The following HUS1 variants were observed in gnomAD, a reference collection of about 807,000 sequenced individuals.
The protein encoded by HUS1 is checkpoint protein HUS1.
HUS1 carries 31 observed loss-of-function variants against 32.6 expected under a neutral mutation model. The ratio of observed to expected loss-of-function variants is 0.95; its 90% CI spans 0.72 to 1.28. The LOEUF (loss-of-function observed/expected upper bound fraction) is 1.28. Among genes scored for constraint, HUS1 ranks in the 50% most tolerant of loss-of-function variants. The probability of loss-of-function intolerance (pLI) is 0.00; values close to 1 mark genes in which losing one functional copy is unlikely to be tolerated. For synonymous variants in HUS1, 123 were observed against 116.6 expected, an observed-to-expected ratio of 1.06 and a Z score of -0.36; for missense variants, 340 against 337.7, an observed-to-expected ratio of 1.01 and a Z score of -0.05.
intron 5 of HUS1, among the ~76,000 whole-genome samples, chr7:47,970,126 G>A (rs925323779): frequency 4.6e-5 from 7 of 151,334 alleles, no homozygotes; most frequent in East Asian, 1.9e-4. Flanking sequence ...CCAGCTACTC[G>A]GGAGGCTGAG....
intron 7 of HUS1, among the ~76,000 whole-genome samples, chr7:47,965,953 T>A (rs1014796871): frequency 1.3e-5 from 2 of 150,546 alleles, no homozygotes; most frequent in East Asian, 4.0e-4. Context: ...AAAGAGCACA[T>A]GAGGGTGGGC....
At chr7:47,968,800 G>GCATC (rs1316123906) in intron 6 of HUS1, 4 of 159,858 alleles carry the variant, frequency 2.5e-5, no homozygotes, top group Non-Finnish European at 4.1e-5. Flanking sequence ...AAACAGTTTT[G>GCATC]CATCTGCTAC....
In HUS1 at chr7:47,964,198, G is replaced by C. The variant is rs1264558845; in HGVS notation, c.*1158C>G. The C allele has an allele frequency of 1.3e-5, 2 of 152,220 alleles. No homozygotes were observed. Among genetic ancestry groups the C allele is most frequent in the Admixed American group, 6.5e-5 (1 of 15,288 alleles). 9.4% of individuals were successfully genotyped at this position (152,220 alleles called of 1,614,324 possible). ...GTTCAAGACCAGCCTGGACAACACA[G>C]TGAGACCCTGTCTCTATGAAAAATT... is the stretch of plus-strand genomic sequence containing the variant. On this transcript the variant is annotated 3_prime_UTR_variant, in exon 8 of 8. Transcript: ENST00000258774.
chr7:47,978,580 T>C lies in HUS1; in HGVS notation c.194A>G (p.Asn65Ser). The C allele has an allele frequency of 2.5e-6, 4 of 1,614,096 alleles. No homozygotes were observed. Among genetic ancestry groups the C allele is most frequent in the Non-Finnish European group, 3.4e-6 (4 of 1,179,922 alleles). ...AGAGACACCCTCCATTTGAAATTCG[T>C]TGAAGAAGTTCTCCTAAGGGAAAAA... ...WCELEQENFF[N>S]EFQMEGVSAE... Residue 65 changes from asparagine to serine, a missense_variant, in exon 3 of 8, where the codon AAC (asparagine) becomes AGC (serine). Transcript: ENST00000258774.
rs761951127 is a variant in HUS1 at position 47,976,834 on chromosome 7, A to G, written c.361T>C (p.Ser121Pro). The G allele has an allele frequency of 1.4e-5, 23 of 1,588,802 alleles. No homozygotes were observed. The highest frequency in any genetic ancestry group is 4.5e-5 in the East Asian group (2 of 44,750). The change falls in exon 4 of 8, where the codon TCT (serine) becomes CCT (proline). Residue 121 changes from serine to proline, a missense_variant. By Grantham distance (74) the Ser-to-Pro change is moderately conservative. Coordinates refer to ENST00000258774, the MANE Select transcript of HUS1 (RefSeq NM_004507.4). ...PCLTVSVELL[S>P]MSSSSRIVTH... is the part of the protein sequence containing the mutation. ...ACAATGCGGCTACTGCTTGACATAG[A>G]TAACTGCCAAGAAAAGAATTTAAAA... is the stretch of plus-strand genomic sequence containing the variant.
intron 5 of HUS1, chr7:47,971,483 C>T (rs1294423289): frequency 4.4e-6 from 2 of 456,624 alleles, no homozygotes; most frequent in South Asian, 1.5e-5. Context: ...CTACCCACCC[C>T]AACAACCAAT....
chr7:47,978,624 G>C, intron 2 of HUS1, 31 bp from the exon 3 acceptor site: 2 of 1,612,844 alleles, frequency 1.2e-6, no homozygotes, highest in Non-Finnish European at 1.7e-6. Flanking sequence ...GATGAGGGAG[G>C]GTATATGTGA....
At chr7:47,976,328 C>A (rs1346632116) in intron 4 of HUS1, 3 of 458,292 alleles carry the variant, frequency 6.5e-6, no homozygotes, top group Admixed American at 2.3e-5. Context: ...ATGACCGTTA[C>A]CCCATGTTAG....
chr7:47,978,518 C>G lies in HUS1; in HGVS notation c.256G>C (p.Glu86Gln), dbSNP rs201091914. Residue 86 changes from glutamate to glutamine, a missense_variant, in exon 3 of 8, where the codon GAA becomes CAA. Physicochemically the swap from Glu to Gln is conservative, Grantham distance 29 (BLOSUM62 2). Transcript: ENST00000258774. Reference sequence around the variant, plus strand: ...GTCTTCAAGGCTCGAGATAAGTTTTCCGATGTTAGCTCTAAATAAATCTCA... The same window carrying G: ...GTCTTCAAGGCTCGAGATAAGTTTTGCGATGTTAGCTCTAAATAAATCTCA... The part of the protein sequence containing the change: ...NNEIYLELTS[E>Q]NLSRALKTAQ... 3 of 1,614,072 alleles carry G rather than the reference C, an allele frequency of 1.9e-6. No individual in the cohort carries two copies. Among genetic ancestry groups the G allele is most frequent in the Non-Finnish European group, 2.5e-6 (3 of 1,180,034 alleles).
chr7:47,975,573 A>T (rs1386760566), intron 5 of HUS1, 40 bp downstream of exon 5: 1 of 1,384,880 alleles, frequency 7.2e-7, no homozygotes, highest in Admixed American at 1.7e-5. Flanking sequence ...CCGTCCCACC[A>T]AATACTTCAG....
chr7:47,974,914 C>T (rs942461537), intron 5 of HUS1, among the ~76,000 whole-genome samples: 3 of 152,152 alleles, frequency 2.0e-5, no homozygotes, highest in African/African-American at 7.2e-5. Flanking sequence ...ATATCTTTGT[C>T]CCTGGCTCAC....
Position 47,978,822 on chromosome 7 carries a change from G to C in HUS1, c.53-6C>G, listed in dbSNP as rs1650716075. 3 of 1,613,306 alleles carry C rather than the reference G, an allele frequency of 1.9e-6. No homozygotes were observed. The highest frequency in any genetic ancestry group is 8.5e-7 in the Non-Finnish European group (1 of 1,179,740). On this transcript the variant is annotated splice_region_variant and splice_polypyrimidine_tract_variant and intron_variant, in intron 1 of 7. Coordinates refer to ENST00000258774, the MANE Select transcript of HUS1 (RefSeq NM_004507.4). The stretch of plus-strand genomic sequence containing the variant: ...GGCTATCATGTTACTGATTCCTAAA[G>C]CAGGGGTTAAAATAAGGAATTACTA...
At chr7:47,968,054 G>T in intron 6 of HUS1, 129 bp from the exon 7 acceptor site, 1 of 873,422 alleles carries the variant, frequency 1.1e-6, no homozygotes, top group Non-Finnish European at 1.7e-6. Context: ...AAGAAATATT[G>T]CAACTTGTAA....
intron 5 of HUS1, among the ~76,000 whole-genome samples, chr7:47,971,794 CAG>C (rs1788605938): frequency 1.3e-5 from 2 of 152,030 alleles, no homozygotes; most frequent in African/African-American, 2.4e-5. Context: ...AGAAAGAAAA[CAG>C]AGAAGGCACT....
At chr7:47,975,731 A>G in intron 4 of HUS1, 44 bp from the exon 5 acceptor site, 1 of 1,153,050 alleles carries the variant, frequency 8.7e-7, no homozygotes, top group Non-Finnish European at 1.3e-6. Context: ...AAAAATATTA[A>G]TATACTCTAG....
chr7:47,970,528 G>A lies in HUS1; in HGVS notation c.541-1210C>T, dbSNP rs527466722. ...AACAAAGAGTTAAAAGGATCTGACA[G>A]AAAATAATAAAGACAGTGGAGAAGA... is the stretch of plus-strand genomic sequence containing the variant. On this transcript the variant is annotated intron_variant, in intron 5 of 7. Coordinates refer to ENST00000258774, the MANE Select transcript of HUS1 (RefSeq NM_004507.4). Among the ~76,000 whole-genome samples the A allele has an allele frequency of 1.4e-4, 22 of 152,146 alleles. No individual in the cohort carries two copies. In the South Asian group the frequency reaches 4.1e-3, roughly 29 times the overall value.
At position 47,978,748 on chromosome 7, in the gene HUS1, A is replaced by G; in HGVS notation, c.121T>C (p.Phe41Leu). Residue 41 changes from phenylalanine to leucine, a missense_variant, in exon 2 of 8, where the codon TTC (phenylalanine) becomes CTC (leucine). Transcript: ENST00000258774. ...TTAGCCAGCTTGTCACAAAGGATGAAGTTAAGCTTATCAGGGCTGATGCGG... is the reference window on the plus strand; with the variant it reads ...TTAGCCAGCTTGTCACAAAGGATGAGGTTAAGCTTATCAGGGCTGATGCGG... ...TLRISPDKLN[F>L]ILCDKLANGG... 6.2e-7 allele frequency: 1 copy of G among 1,614,226 alleles called. No homozygotes were observed. The highest frequency in any genetic ancestry group is 8.5e-7 in the Non-Finnish European group (1 of 1,180,042).
At chr7:47,974,672 G>A (rs1190025304) in intron 5 of HUS1, among the ~76,000 whole-genome samples, 1 of 152,106 alleles carries the variant, frequency 6.6e-6, no homozygotes. Flanking sequence ...GAGCAGGATA[G>A]GAGGGAGCAG....
chr7:47,978,798 G>T lies in HUS1; in HGVS notation c.71C>A (p.Ala24Asp). The change falls in exon 2 of 8, where the codon GCC becomes GAC. Residue 24 changes from alanine to aspartate, a missense_variant. Ala to Asp is a moderately radical substitution (Grantham distance 126, BLOSUM62 -2). Transcript: ENST00000258774. ...NHFTRISNMI[A>D]KLAKTCTLRI... The stretch of plus-strand genomic sequence containing the variant: ...GAGGGTGCAGGTTTTGGCAAGCTTG[G>T]CTATCATGTTACTGATTCCTAAAGC... 1 of 1,614,060 alleles carries T rather than the reference G, an allele frequency of 6.2e-7. No individual in the cohort carries two copies. Among genetic ancestry groups the T allele is most frequent in the African/African-American group, 1.3e-5 (1 of 75,022 alleles).
Sources: allele counts gnomAD v4.1 joint callset (sites outside exome capture counted in the v4.1 genomes callset), GRCh38; gene constraint gnomAD v4.1.1; transcripts MANE v1.5; gene names NCBI Gene and HGNC (gene_info 2026-07-23, HGNC 2026-07-21).